SOCS2: variants seen among roughly 807,000 people sequenced by gnomAD.
SOCS2 encodes the protein CIS-2.
In SOCS2, 10 loss-of-function variants were observed where a neutral mutation model predicts 18.6. The ratio of observed to expected loss-of-function variants is 0.54; its 90% CI spans 0.33 to 0.91. The LOEUF is 0.91. SOCS2 is among the 40% of genes least tolerant of loss of function. SOCS2 has a pLI of 0.02. For missense variants in SOCS2, 231 were observed against 247.2 expected, an observed-to-expected ratio of 0.93 and a Z score of 0.44; for synonymous variants, 104 against 104.0, an observed-to-expected ratio of 1.00 and a Z score of 0.00.
the SOCS2 span, among the ~76,000 whole-genome samples, chr12:93,614,631 CTTTT>C: frequency 8.8e-5 from 9 of 102,506 alleles, no homozygotes; most frequent in African/African-American, 2.6e-4. Context: ...TTCTTTCTTT[CTTTT>C]GATGGAGTCT....
At chr12:93,623,049 T>C in the SOCS2 span, among the ~76,000 whole-genome samples, 1 of 152,196 alleles carries the variant, frequency 6.6e-6, no homozygotes, top group African/African-American at 2.4e-5. Flanking sequence ...CTGGATAACC[T>C]GCAGCACTGA....
the SOCS2 span, among the ~76,000 whole-genome samples, chr12:93,597,665 C>T: frequency 6.6e-6 from 1 of 152,180 alleles, no homozygotes; most frequent in Admixed American, 6.5e-5. Context: ...AATAGCTCAT[C>T]AGAAAAGTAC....
the SOCS2 span, among the ~76,000 whole-genome samples, chr12:93,614,412 T>C: frequency 3.5e-3 from 410 of 118,414 alleles, 2 homozygotes; most frequent in Non-Finnish European, 4.5e-3. Context: ...TTTCTTTCTT[T>C]CTTTCTTCCT....
chr12:93,589,951 A>G, the SOCS2 span, among the ~76,000 whole-genome samples: 1 of 152,182 alleles, frequency 6.6e-6, no homozygotes, highest in Non-Finnish European at 1.5e-5. Context: ...AAAGTACTGG[A>G]TTGTTGAGAT....
intron 1 of SOCS2, chr12:93,574,502 AC>A: frequency 2.5e-6 from 1 of 403,112 alleles, no homozygotes; most frequent in South Asian, 7.0e-5. Context: ...AAGAAAGAAA[AC>A]TGGCTCGCCG....
chr12:93,618,368 G>A, the SOCS2 span, among the ~76,000 whole-genome samples: 3 of 152,090 alleles, frequency 2.0e-5, no homozygotes, highest in African/African-American at 7.2e-5. Flanking sequence ...TTTTAAATAT[G>A]GCTCAAATTA....
At chr12:93,602,584 A>G in the SOCS2 span, among the ~76,000 whole-genome samples, 1 of 152,222 alleles carries the variant, frequency 6.6e-6, no homozygotes, top group Non-Finnish European at 1.5e-5. Context: ...ACAGGTCTAC[A>G]AGAGACTTTG....
chr12:93,614,779 A>T, the SOCS2 span, among the ~76,000 whole-genome samples: 5 of 150,498 alleles, frequency 3.3e-5, no homozygotes, highest in Non-Finnish European at 7.4e-5. Context: ...CATGCCTGGC[A>T]AATCTTTCTA....
At chr12:93,616,712 CGG>C in the SOCS2 span, among the ~76,000 whole-genome samples, 2 of 152,098 alleles carry the variant, frequency 1.3e-5, no homozygotes, top group Non-Finnish European at 2.9e-5. Flanking sequence ...TGACGTGCTC[CGG>C]GGACAAGTGG....
At chr12:93,605,459 T>C in the SOCS2 span, among the ~76,000 whole-genome samples, 1 of 152,190 alleles carries the variant, frequency 6.6e-6, no homozygotes, top group Non-Finnish European at 1.5e-5. Context: ...TGAAGCCTTA[T>C]TTTTAAAAAA....
chr12:93,575,330 GA>G lies in SOCS2; in HGVS notation c.*152del. 1 of 536,166 alleles carries G rather than the reference GA, an allele frequency of 1.9e-6. No homozygotes were observed. The highest frequency in any genetic ancestry group is 3.2e-6 in the Non-Finnish European group (1 of 315,944). The allele number at this position is 536,166 out of a possible 1,614,324, so 33.2% of individuals were successfully genotyped here. A position where few individuals can be genotyped will look rare whatever the true frequency, so the allele number is the denominator to read the frequency against. Reference sequence around the variant, plus strand: ...TCTAATTTAAATTTAACAGCTTGAAGAGGTAGCTAGGTGTTTAAAGTTCCTC... The same window carrying G: ...TCTAATTTAAATTTAACAGCTTGAAGGGTAGCTAGGTGTTTAAAGTTCCTC... On this transcript the variant is annotated 3_prime_UTR_variant, in exon 2 of 2. Transcript: ENST00000551556.
the SOCS2 span, among the ~76,000 whole-genome samples, chr12:93,605,998 G>A: frequency 4.6e-5 from 7 of 152,236 alleles, no homozygotes; most frequent in African/African-American, 4.8e-5. Flanking sequence ...TCACATGACA[G>A]TCTGGACATA....
chr12:93,623,379 C>A, the SOCS2 span, among the ~76,000 whole-genome samples: 4 of 152,014 alleles, frequency 2.6e-5, no homozygotes, highest in Non-Finnish European at 5.9e-5. Flanking sequence ...TATAAATTAC[C>A]CAGTCTCAGG....
exon 2 of SOCS2, chr12:93,583,440 G>A (rs1360241114): frequency 1.3e-5 from 2 of 152,106 alleles, no homozygotes; most frequent in African/African-American, 4.8e-5. Flanking sequence ...ATATACTAAG[G>A]AAATTCTTAG....
At chr12:93,616,108 A>T in the SOCS2 span, among the ~76,000 whole-genome samples, 2 of 152,118 alleles carry the variant, frequency 1.3e-5, no homozygotes, top group East Asian at 3.8e-4. Flanking sequence ...TGCTGACTTT[A>T]CTCCCAAATC....
chr12:93,591,266 A>AAC, the SOCS2 span, among the ~76,000 whole-genome samples: 1 of 149,498 alleles, frequency 6.7e-6, no homozygotes, highest in African/African-American at 2.4e-5. Context: ...CGAACAAACA[A>AAC]AAAAAAAAAA....
At chr12:93,571,029 G>T (rs967216279), upstream of SOCS2, 1 of 154,304 alleles carries the variant, frequency 6.5e-6, no homozygotes, top group Admixed American at 6.5e-5. Context: ...CTGCTCCTGG[G>T]ACCGACGTTT....
Position 93,574,805 on chromosome 12 carries a change from A to G in SOCS2, c.223A>G (p.Ser75Gly). The change falls in exon 2 of 2, where the codon AGC becomes GGC. Residue 75 changes from serine to glycine, a missense_variant. Ser to Gly is a moderately conservative substitution (Grantham distance 56). This residue lies in a region of SOCS2 where 106 missense variants were observed against 103.8 expected (regional missense o/e 1.02). Transcript: ENST00000551556. ...APEGTFLIRD[S>G]SHSDYLLTIS... Reference sequence around the variant, plus strand: ...AGAAGGAACTTTCTTGATTAGAGATAGCTCGCATTCAGACTACCTACTAAC... The same window carrying G: ...AGAAGGAACTTTCTTGATTAGAGATGGCTCGCATTCAGACTACCTACTAAC... 1.2e-6 allele frequency: 2 copies of G among 1,614,216 alleles called. No individual in the cohort carries two copies. The highest frequency in any genetic ancestry group is 2.2e-5 in the South Asian group (2 of 91,090).
chr12:93,600,174 TA>T, the SOCS2 span, among the ~76,000 whole-genome samples: 5 of 152,120 alleles, frequency 3.3e-5, no homozygotes, highest in African/African-American at 4.8e-5. Flanking sequence ...GGTATAGATT[TA>T]AAAAAAATTA....
Sources: gnomAD v4.1 joint callset for allele counts (sites outside exome capture counted in the v4.1 genomes callset) on GRCh38, gnomAD v4.1.1 for gene constraint, gnomAD v4.1.1 regional missense constraint, MANE v1.5 for transcripts, NCBI Gene and HGNC (gene_info 2026-07-23, HGNC 2026-07-21) for gene names.